MYCN: variants seen among roughly 807,000 people sequenced by gnomAD.
MYCN encodes N-myc proto-oncogene protein.
In MYCN, 3 loss-of-function variants were observed where a neutral mutation model predicts 28.1. That is an observed-to-expected ratio of 0.11 (90% CI 0.05 to 0.28). The LOEUF (loss-of-function observed/expected upper bound fraction) is 0.28. Among genes scored for constraint, MYCN ranks in the 10% least tolerant of loss-of-function variants. MYCN has a pLI of 1.00. For missense variants in MYCN, 572 were observed against 651.4 expected (o/e 0.88, Z 1.33); for synonymous variants, 326 against 288.3 (o/e 1.13, Z -1.32).
At position 15,940,996 on chromosome 2, in the gene MYCN, G is replaced by A. The variant is rs532287757; in HGVS notation, c.-118+253G>A. 1.6e-5 allele frequency: 6 copies of A among 377,248 alleles called. No individual in the cohort carries two copies. In the South Asian group the frequency reaches 8.7e-4, roughly 55 times the overall value. 23.4% of individuals were successfully genotyped at this position (377,248 alleles called of 1,614,324 possible). ...TACCGGGGGGAGTAATGGCTTCTGC[G>A]AAAAGAAATTCCCTCGGCTCTAGAA... On this transcript the variant is annotated intron_variant, in intron 1 of 2. Coordinates refer to ENST00000281043, the MANE Select transcript of MYCN (RefSeq NM_005378.6).
Position 15,945,439 on chromosome 2 carries a change from G to A in MYCN, c.791-54G>A. 6.5e-7 allele frequency: 1 copy of A among 1,548,876 alleles called. No homozygotes were observed. Among genetic ancestry groups the A allele is most frequent in the South Asian group, 1.2e-5 (1 of 84,266 alleles). On this transcript the variant is annotated intron_variant, in intron 2 of 2. Coordinates refer to ENST00000281043, the MANE Select transcript of MYCN (RefSeq NM_005378.6). This position sits in a 1 kb window ranked among gnomAD's most constrained non-coding sequence, Gnocchi z 4.8. ...CATACATATTAACATGGATATATAT[G>A]TGAATTTCATTCAAATGGTTCTCAC... is the stretch of plus-strand genomic sequence containing the variant.
chr2:15,942,540 G>T lies in MYCN; in HGVS notation c.476G>T (p.Gly159Val). The T allele has an allele frequency of 7.7e-7, 1 of 1,291,780 alleles. No individual in the cohort carries two copies. Among genetic ancestry groups the T allele is most frequent in the South Asian group, 2.4e-5 (1 of 42,068 alleles). 80.0% of individuals were successfully genotyped at this position (1,291,780 alleles called of 1,614,324 possible). The change falls in exon 2 of 3, where the codon GGT (glycine) becomes GTT (valine). Residue 159 changes from glycine (G) to valine (V), a missense_variant. Coordinates refer to ENST00000281043, the MANE Select transcript of MYCN (RefSeq NM_005378.6). This position sits in a 1 kb window ranked among gnomAD's most constrained non-coding sequence, Gnocchi z 7.0. ...GGAGCCGGCGCCGCCAGCCCTGCGG[G>T]TCGCGGGCACGGCGGGGCTGCGGGA... ...SPGAGAASPA[G>V]RGHGGAAGAG...
Position 15,942,978 on chromosome 2 carries a change from GGTCCT to G in MYCN, c.790+127_790+131del. ...TTGGAGGCAGTGCTAGGGGCAGAGA[GGTCCT>G]GTTTCCCCCAAGTCTCTCCTCGGGG... On this transcript the variant is annotated intron_variant, in intron 2 of 2. Coordinates refer to ENST00000281043, the MANE Select transcript of MYCN (RefSeq NM_005378.6). The surrounding 1 kb of genome is among the most constrained non-coding windows in gnomAD (Gnocchi z 7.0). 8.0e-7 allele frequency: 1 copy of G among 1,246,956 alleles called. No individual in the cohort carries two copies. Among genetic ancestry groups the G allele is most frequent in the Non-Finnish European group, 1.1e-6 (1 of 935,462 alleles). 77.2% of individuals were successfully genotyped at this position (1,246,956 alleles called of 1,614,324 possible). A position where few individuals can be genotyped will look rare whatever the true frequency, so the allele number is the denominator to read the frequency against.
At chr2:15,940,920 C>T (rs1187212321) in intron 1 of MYCN, 177 bp downstream of exon 1, 3 of 396,622 alleles carry the variant, frequency 7.6e-6, no homozygotes, top group Non-Finnish European at 1.3e-5. Context: ...CAGTTCCAGC[C>T]CCGAAGGCAT....
At position 15,941,920 on chromosome 2, in the gene MYCN, C is replaced by A. The variant is rs1662688451; in HGVS notation, c.-117-28C>A. ...CCCCTCGGTCTGCCCCGTTTGCCCA[C>A]CCTCTCCGGTGTGTCTGTCGGTTGC... On this transcript the variant is annotated intron_variant, in intron 1 of 2. Transcript: ENST00000281043. The surrounding 1 kb of genome is among the most constrained non-coding windows in gnomAD (Gnocchi z 4.8). The A allele has an allele frequency of 1.9e-6, 2 of 1,035,126 alleles. No homozygotes were observed. The highest frequency in any genetic ancestry group is 2.1e-5 in the Admixed American group (1 of 46,594). 64.1% of individuals were successfully genotyped at this position (1,035,126 alleles called of 1,614,324 possible). A position where few individuals can be genotyped will look rare whatever the true frequency, so the allele number is the denominator to read the frequency against.
Position 15,942,976 on chromosome 2 carries a change from G to C in MYCN, c.790+122G>C. ...TTTTGGAGGCAGTGCTAGGGGCAGA[G>C]AGGTCCTGTTTCCCCCAAGTCTCTC... On this transcript the variant is annotated intron_variant, in intron 2 of 2. Coordinates refer to ENST00000281043, the MANE Select transcript of MYCN (RefSeq NM_005378.6). This position sits in a 1 kb window ranked among gnomAD's most constrained non-coding sequence, Gnocchi z 7.0. 1.4e-5 allele frequency: 18 copies of C among 1,269,456 alleles called. No individual in the cohort carries two copies. The highest frequency in any genetic ancestry group is 1.9e-5 in the Non-Finnish European group (18 of 951,076). 78.6% of individuals were successfully genotyped at this position (1,269,456 alleles called of 1,614,324 possible).
chr2:15,945,500 A>T lies in MYCN; in HGVS notation c.798A>T (p.Glu266Asp), dbSNP rs1487240670. 1 of 1,607,688 alleles carries T rather than the reference A, an allele frequency of 6.2e-7. No homozygotes were observed. Among genetic ancestry groups the T allele is most frequent in the Non-Finnish European group, 8.5e-7 (1 of 1,176,840 alleles). ...CTAGCATCTTTCTCTCAGATGATGA[A>T]GATGATGAAGAGGAAGATGAAGAGG... ...GEDTLSDSDDEDDEEEDEEEE... is the reference protein window; with the variant it reads ...GEDTLSDSDDDDDEEEDEEEE... Residue 266 changes from glutamate to aspartate, a missense_variant, in exon 3 of 3, where the codon GAA (glutamate) becomes GAT (aspartate). Transcript: ENST00000281043. This position sits in a 1 kb window ranked among gnomAD's most constrained non-coding sequence, Gnocchi z 4.8.
At position 15,942,629 on chromosome 2, in the gene MYCN, C is replaced by T; in HGVS notation, c.565C>T (p.Pro189Ser). ...CCACCCGGCCGCCGAGTGCGTGGAT[C>T]CCGCCGTGGTCTTCCCCTTTCCCGT... The part of the protein sequence containing the change: ...LAHPAAECVD[P>S]AVVFPFPVNK... Residue 189 changes from proline (P) to serine (S), a missense_variant, in exon 2 of 3, where the codon CCC becomes TCC. Coordinates refer to ENST00000281043, the MANE Select transcript of MYCN (RefSeq NM_005378.6). The surrounding 1 kb of genome is among the most constrained non-coding windows in gnomAD (Gnocchi z 7.0). The T allele has an allele frequency of 1.8e-6, 2 of 1,135,810 alleles. No homozygotes were observed. The highest frequency in any genetic ancestry group is 2.2e-6 in the Non-Finnish European group (2 of 924,722). The allele number at this position is 1,135,810 out of a possible 1,614,324, so 70.4% of individuals were successfully genotyped here. A position where few individuals can be genotyped will look rare whatever the true frequency, so the allele number is the denominator to read the frequency against.
chr2:15,942,571 C>T lies in MYCN; in HGVS notation c.507C>T (p.Gly169=), dbSNP rs753031171. The part of the protein sequence containing the change: ...GRGHGGAAGA[G]RAGAALPAEL... ...GGCACGGCGGGGCTGCGGGAGCCGG[C>T]CGCGCCGGGGCCGCCCTGCCCGCCG... The change falls in exon 2 of 3, where the codon GGC becomes GGT. Residue 169 remains glycine, a synonymous_variant. Coordinates refer to ENST00000281043, the MANE Select transcript of MYCN (RefSeq NM_005378.6). The surrounding 1 kb of genome is among the most constrained non-coding windows in gnomAD (Gnocchi z 7.0). The T allele has an allele frequency of 9.2e-7, 1 of 1,091,578 alleles. No individual in the cohort carries two copies. The highest frequency in any genetic ancestry group is 1.1e-6 in the Non-Finnish European group (1 of 900,940). The allele number at this position is 1,091,578 out of a possible 1,614,324, so 67.6% of individuals were successfully genotyped here. A position where few individuals can be genotyped will look rare whatever the true frequency, so the allele number is the denominator to read the frequency against.
Position 15,942,290 on chromosome 2 carries a change from A to C in MYCN, c.226A>C (p.Ser76Arg). 6.2e-7 allele frequency: 1 copy of C among 1,611,050 alleles called. No individual in the cohort carries two copies. Among genetic ancestry groups the C allele is most frequent in the South Asian group, 1.1e-5 (1 of 90,770 alleles). Residue 76 changes from serine (S) to arginine (R), a missense_variant, in exon 2 of 3, where the codon AGC becomes CGC. Physicochemically the swap from Ser to Arg is moderately radical, Grantham distance 110. Coordinates refer to ENST00000281043, the MANE Select transcript of MYCN (RefSeq NM_005378.6). This position sits in a 1 kb window ranked among gnomAD's most constrained non-coding sequence, Gnocchi z 7.0. ...CGCGGAGCACAGCTCCGAGCCCCCG[A>C]GCTGGGTCACGGAGATGCTGCTTGA... ...GFAEHSSEPPSWVTEMLLENE... is the reference protein window; with the variant it reads ...GFAEHSSEPPRWVTEMLLENE...
rs903290907 is a variant in MYCN at position 15,946,152 on chromosome 2, T to A, written c.*55T>A. ...ACTTTGCACATTTTGATTTTTTTTT[T>A]AAACAAACATTGTGTTGACATTAAG... On this transcript the variant is annotated 3_prime_UTR_variant, in exon 3 of 3. Coordinates refer to ENST00000281043, the MANE Select transcript of MYCN (RefSeq NM_005378.6). 74 of 1,609,516 alleles carry A rather than the reference T, an allele frequency of 4.6e-5. No individual in the cohort carries two copies. The highest frequency in any genetic ancestry group is 5.8e-5 in the Non-Finnish European group (68 of 1,176,786).
In MYCN at chr2:15,942,768, C is replaced by T; in HGVS notation, c.704C>T (p.Ala235Val). The T allele has an allele frequency of 2.1e-6, 3 of 1,448,598 alleles. No homozygotes were observed. The highest frequency in any genetic ancestry group is 2.8e-5 in the East Asian group (1 of 36,104). 89.7% of individuals were successfully genotyped at this position (1,448,598 alleles called of 1,614,324 possible). ...IAAPAGAPGV[A>V]PPRPGGRQTS... ...GCCCCAGCCGGGGCCCCGGGGGTCG[C>T]CCCTCCGCGCCCAGGCGGCCGCCAG... The change falls in exon 2 of 3, where the codon GCC becomes GTC. Residue 235 changes from alanine to valine, a missense_variant. Transcript: ENST00000281043. This position sits in a 1 kb window ranked among gnomAD's most constrained non-coding sequence, Gnocchi z 7.0.
Position 15,945,614 on chromosome 2 carries a change from G to A in MYCN, c.912G>A (p.Lys304=), listed in dbSNP as rs1327172659. Residue 304 remains lysine (K), a synonymous_variant, in exon 3 of 3, where the codon AAG becomes AAA. Transcript: ENST00000281043. The surrounding 1 kb of genome is among the most constrained non-coding windows in gnomAD (Gnocchi z 4.8). ...CATTCACCATCACTGTGCGTCCCAA[G>A]AACGCAGCCCTGGGTCCCGGGAGGG... ...VTTFTITVRP[K]NAALGPGRAQ... 1.4e-5 allele frequency: 22 copies of A among 1,614,046 alleles called. No homozygotes were observed. The highest frequency in any genetic ancestry group is 2.2e-5 in the East Asian group (1 of 44,888).
Position 15,940,717 on chromosome 2 carries a change from C to G in MYCN, c.-144C>G. 2.5e-6 allele frequency: 1 copy of G among 399,454 alleles called. No individual in the cohort carries two copies. The allele number at this position is 399,454 out of a possible 1,614,324, so 24.7% of individuals were successfully genotyped here. ...CCCGGAGACACCCGCGCAGAATCGC[C>G]TCCGGATCCCCTGCAGTCGGCGGGA... On this transcript the variant is annotated 5_prime_UTR_variant, in exon 1 of 3. Transcript: ENST00000281043.
Position 15,946,282 on chromosome 2 carries a change from C to T in MYCN, c.*185C>T. On this transcript the variant is annotated 3_prime_UTR_variant, in exon 3 of 3. Coordinates refer to ENST00000281043, the MANE Select transcript of MYCN (RefSeq NM_005378.6). ...CTGGGACCTTGGAGAGCCTGCATCC[C>T]AGGATGCTGGGTGGCCCTGCAGCCT... is the stretch of plus-strand genomic sequence containing the variant. 1 of 821,780 alleles carries T rather than the reference C, an allele frequency of 1.2e-6. No individual in the cohort carries two copies. Among genetic ancestry groups the T allele is most frequent in the Non-Finnish European group, 1.9e-6 (1 of 517,728 alleles). 50.9% of individuals were successfully genotyped at this position (821,780 alleles called of 1,614,324 possible).
Position 15,940,702 on chromosome 2 carries a change from C to G in MYCN, c.-159C>G. On this transcript the variant is annotated 5_prime_UTR_variant, in exon 1 of 3. Transcript: ENST00000281043. ...CGCCCCCCCGGCCCACCCGGAGACACCCGCGCAGAATCGCCTCCGGATCCC... is the reference window on the plus strand; with the variant it reads ...CGCCCCCCCGGCCCACCCGGAGACAGCCGCGCAGAATCGCCTCCGGATCCC... The G allele has an allele frequency of 2.5e-6, 1 of 396,762 alleles. No individual in the cohort carries two copies. Among genetic ancestry groups the G allele is most frequent in the Non-Finnish European group, 4.5e-6 (1 of 224,430 alleles). 24.6% of individuals were successfully genotyped at this position (396,762 alleles called of 1,614,324 possible).
In MYCN at chr2:15,942,983, T is replaced by C. The variant is rs1188280179; in HGVS notation, c.790+129T>C. 3 of 1,198,362 alleles carry C rather than the reference T, an allele frequency of 2.5e-6. No homozygotes were observed. Among genetic ancestry groups the C allele is most frequent in the East Asian group, 3.3e-5 (1 of 30,200 alleles). The allele number at this position is 1,198,362 out of a possible 1,614,324, so 74.2% of individuals were successfully genotyped here. On this transcript the variant is annotated intron_variant, in intron 2 of 2. Coordinates refer to ENST00000281043, the MANE Select transcript of MYCN (RefSeq NM_005378.6). This position sits in a 1 kb window ranked among gnomAD's most constrained non-coding sequence, Gnocchi z 7.0. ...GGCAGTGCTAGGGGCAGAGAGGTCC[T>C]GTTTCCCCCAAGTCTCTCCTCGGGG... is the stretch of plus-strand genomic sequence containing the variant.
At position 15,941,919 on chromosome 2, in the gene MYCN, A is replaced by T; in HGVS notation, c.-117-29A>T. The T allele has an allele frequency of 9.8e-7, 1 of 1,021,616 alleles. No individual in the cohort carries two copies. The highest frequency in any genetic ancestry group is 1.6e-5 in the African/African-American group (1 of 62,660). 63.3% of individuals were successfully genotyped at this position (1,021,616 alleles called of 1,614,324 possible). A position where few individuals can be genotyped will look rare whatever the true frequency, so the allele number is the denominator to read the frequency against. ...TCCCCTCGGTCTGCCCCGTTTGCCC[A>T]CCCTCTCCGGTGTGTCTGTCGGTTG... On this transcript the variant is annotated intron_variant, in intron 1 of 2. Coordinates refer to ENST00000281043, the MANE Select transcript of MYCN (RefSeq NM_005378.6). The surrounding 1 kb of genome is among the most constrained non-coding windows in gnomAD (Gnocchi z 4.8).
chr2:15,942,313 T>G lies in MYCN; in HGVS notation c.249T>G (p.Leu83=). The G allele has an allele frequency of 6.2e-7, 1 of 1,609,388 alleles. No homozygotes were observed. The highest frequency in any genetic ancestry group is 8.5e-7 in the Non-Finnish European group (1 of 1,178,542). Residue 83 remains leucine (L), a synonymous_variant, in exon 2 of 3, where the codon CTT becomes CTG. Coordinates refer to ENST00000281043, the MANE Select transcript of MYCN (RefSeq NM_005378.6). The surrounding 1 kb of genome is among the most constrained non-coding windows in gnomAD (Gnocchi z 7.0). ...EPPSWVTEML[L]ENELWGSPAE... is the part of the protein sequence containing the mutation. ...CGAGCTGGGTCACGGAGATGCTGCTTGAGAACGAGCTGTGGGGCAGCCCGG... is the reference window on the plus strand; with the variant it reads ...CGAGCTGGGTCACGGAGATGCTGCTGGAGAACGAGCTGTGGGGCAGCCCGG...
Sources: gnomAD v4.1 joint callset for allele counts on GRCh38, gnomAD v4.1.1 for gene constraint, Gnocchi (gnomAD v3.1) non-coding constraint, MANE v1.5 for transcripts, NCBI Gene and HGNC (gene_info 2026-07-23, HGNC 2026-07-21) for gene names.